The following GLDC variants were observed in gnomAD, a reference collection of about 807,000 sequenced individuals.
GLDC encodes glycine decarboxylase, also known as glycine dehydrogenase (decarboxylating), mitochondrial.
A neutral mutation model predicts 121.3 loss-of-function variants in GLDC; 104 were observed. The ratio of observed to expected loss-of-function variants is 0.86; its 90% CI spans 0.73 to 1.01. The LOEUF (loss-of-function observed/expected upper bound fraction) is 1.01. Among genes scored for constraint, GLDC ranks in the 50% least tolerant of loss-of-function variants. The probability of loss-of-function intolerance (pLI) is 0.00; values close to 1 mark genes in which losing one functional copy is unlikely to be tolerated. For missense variants in GLDC, 1,429 were observed against 1,306.6 expected, an observed-to-expected ratio of 1.09 and a Z score of -1.44; for synonymous variants, 546 against 480.6, an observed-to-expected ratio of 1.14 and a Z score of -1.78.
intron 15 of GLDC, among the ~76,000 whole-genome samples, chr9:6,582,383 C>G (rs1017550632): frequency 6.9e-6 from 1 of 144,912 alleles, no homozygotes; most frequent in African/African-American, 2.6e-5. Context: ...TTGCCGGCCA[C>G]GGGGGCAGGC....
chr9:6,639,536 A>T, intron 2 of GLDC: 2 of 791,318 alleles, frequency 2.5e-6, no homozygotes, highest in Non-Finnish European at 2.3e-6. Flanking sequence ...GGCCTGATGG[A>T]GAGAAGAAGG....
chr9:6,621,403 G>T lies in GLDC; in HGVS notation c.335-1084C>A, dbSNP rs12351620. 9.8e-3 allele frequency among the ~76,000 whole-genome samples: 1,487 copies of T among 152,184 alleles called. 17 individuals carry two copies. The highest frequency in any genetic ancestry group is 0.034 in the African/African-American group (1,410 of 41,502). On this transcript the variant is annotated intron_variant, in intron 2 of 24. Coordinates refer to ENST00000321612, the MANE Select transcript of GLDC (RefSeq NM_000170.3). ...GCCTAGGGTACTGAGGATTGAAGACGGTCACTTGGCTGAGGTCACACGACT... is the reference window on the plus strand; with the variant it reads ...GCCTAGGGTACTGAGGATTGAAGACTGTCACTTGGCTGAGGTCACACGACT...
Position 6,638,936 on chromosome 9 carries a change from G to C in GLDC, c.334+5678C>G, listed in dbSNP as rs572711468. ...AGGCAGGAGAATCGCTTGAACCCAG[G>C]AGGCAGAGGTTGTGGTGAGCCAAGA... On this transcript the variant is annotated intron_variant, in intron 2 of 24. Transcript: ENST00000321612. Among the ~76,000 whole-genome samples the C allele has an allele frequency of 2.0e-5, 3 of 152,010 alleles. No individual in the cohort carries two copies. The East Asian group carries it at 5.8e-4, about 29-fold the overall frequency.
At chr9:6,538,195 T>C (rs1817177147) in intron 22 of GLDC, among the ~76,000 whole-genome samples, 1 of 151,948 alleles carries the variant, frequency 6.6e-6, no homozygotes, top group South Asian at 2.1e-4. Context: ...GTCCAACATA[T>C]CCTGCTGTAG....
chr9:6,580,938 C>T (rs1462043324), intron 15 of GLDC, among the ~76,000 whole-genome samples: 4 of 152,224 alleles, frequency 2.6e-5, no homozygotes, highest in Non-Finnish European at 5.9e-5. Context: ...TTGTGCTGCT[C>T]ACAGGTCTTT....
intron 15 of GLDC, among the ~76,000 whole-genome samples, chr9:6,576,022 T>C (rs777585951): frequency 1.3e-5 from 2 of 152,238 alleles, no homozygotes; most frequent in Non-Finnish European, 2.9e-5. Context: ...TTGACATTTT[T>C]TCTTTCAGGC....
intron 8 of GLDC, among the ~76,000 whole-genome samples, chr9:6,598,389 C>T (rs145396384): frequency 1.3e-5 from 2 of 152,152 alleles, no homozygotes; most frequent in East Asian, 1.9e-4. Flanking sequence ...GAGAGACTCC[C>T]TATAGAAAAA....
chr9:6,621,570 T>C (rs564781805), intron 2 of GLDC, among the ~76,000 whole-genome samples: 1 of 152,292 alleles, frequency 6.6e-6, no homozygotes, highest in East Asian at 1.9e-4. Flanking sequence ...CAGGCTGGAG[T>C]GCAGTGGCTC....
intron 6 of GLDC, 83 bp downstream of exon 6, chr9:6,605,048 T>C (rs1265907986): frequency 2.3e-6 from 3 of 1,312,350 alleles, no homozygotes; most frequent in African/African-American, 1.4e-5. Context: ...TTAAGGCACA[T>C]GAAAAGACAG....
At chr9:6,627,917 C>T (rs182524487) in intron 2 of GLDC, among the ~76,000 whole-genome samples, 1 of 152,216 alleles carries the variant, frequency 6.6e-6, no homozygotes, top group Non-Finnish European at 1.5e-5. Flanking sequence ...TTGGCCAGAT[C>T]TGCAGGAGAA....
At chr9:6,589,704 G>C (rs1362603791) in intron 11 of GLDC, among the ~76,000 whole-genome samples, 1 of 152,156 alleles carries the variant, frequency 6.6e-6, no homozygotes, top group Admixed American at 6.5e-5. Context: ...TGGGATTACA[G>C]TCATGGGCCA....
intron 2 of GLDC, among the ~76,000 whole-genome samples, chr9:6,631,272 T>C (rs540879323): frequency 3.3e-5 from 5 of 152,316 alleles, no homozygotes; most frequent in African/African-American, 1.2e-4. Flanking sequence ...CAAAAGGAGC[T>C]GAGGCGTGTC....
intron 20 of GLDC, 151 bp downstream of exon 20, chr9:6,553,217 C>T: frequency 1.4e-6 from 1 of 700,906 alleles, no homozygotes; most frequent in Non-Finnish European, 2.4e-6. Flanking sequence ...AGGAAGGTTT[C>T]TTCCACCCAG....
chr9:6,545,971 T>C (rs937570034), intron 21 of GLDC, among the ~76,000 whole-genome samples: 1 of 152,192 alleles, frequency 6.6e-6, no homozygotes, highest in African/African-American at 2.4e-5. Context: ...ATAAACTAAA[T>C]TTTTTAAACC....
intron 14 of GLDC, among the ~76,000 whole-genome samples, chr9:6,588,035 C>T (rs1372790919): frequency 2.9e-5 from 4 of 136,082 alleles, no homozygotes; most frequent in Non-Finnish European, 3.0e-5. Context: ...TCTAGAAAGA[C>T]GGCTTAAGGT....
chr9:6,558,721 C>T (rs1403069475), intron 16 of GLDC, 37 bp from the exon 17 acceptor site: 4 of 1,612,144 alleles, frequency 2.5e-6, no homozygotes, highest in Admixed American at 3.3e-5. Context: ...AGAGCAAAAT[C>T]ATCATCAGAC....
Position 6,606,622 on chromosome 9 carries a change from T to G in GLDC, c.683A>C (p.Gln228Pro). The G allele has an allele frequency of 6.2e-7, 1 of 1,609,038 alleles. No homozygotes were observed. The highest frequency in any genetic ancestry group is 8.5e-7 in the Non-Finnish European group (1 of 1,175,476). Reference sequence around the variant, plus strand: ...TCGAGTCTGGACAACAGCTATTGTCTGTGGGTGGCAACGGGGATCAACGAG... The same window carrying G: ...TCGAGTCTGGACAACAGCTATTGTCGGTGGGTGGCAACGGGGATCAACGAG... ...KFLVDPRCHP[Q>P]TIAVVQTRAK... is the part of the protein sequence containing the mutation. The change falls in exon 5 of 25, where the codon CAG becomes CCG. Residue 228 changes from glutamine to proline, a missense_variant. Gln to Pro is a moderately conservative substitution (Grantham distance 76). Transcript: ENST00000321612.
At chr9:6,643,070 G>A (rs1014341516) in intron 2 of GLDC, among the ~76,000 whole-genome samples, 1 of 151,876 alleles carries the variant, frequency 6.6e-6, no homozygotes. Flanking sequence ...GCTAATTTTT[G>A]TATTTTTTGT....
chr9:6,626,444 T>C (rs1190112701), intron 2 of GLDC, among the ~76,000 whole-genome samples: 2 of 152,134 alleles, frequency 1.3e-5, no homozygotes, highest in African/African-American at 4.8e-5. Context: ...AAGATAAAAA[T>C]GGTAGTTTAT....
Sources: gnomAD v4.1 joint callset for allele counts (sites outside exome capture counted in the v4.1 genomes callset) on GRCh38, gnomAD v4.1.1 for gene constraint, MANE v1.5 for transcripts, NCBI Gene and HGNC (gene_info 2026-07-23, HGNC 2026-07-21) for gene names.